CLPB: variants seen among roughly 807,000 people sequenced by gnomAD.
CLPB encodes the protein ClpB family mitochondrial disaggregase.
A neutral mutation model predicts 78.4 loss-of-function variants in CLPB; 40 were observed. That is an observed-to-expected ratio of 0.51 (90% CI 0.40 to 0.66). The LOEUF (loss-of-function observed/expected upper bound fraction) is 0.66. CLPB is among the 30% of genes least tolerant of loss of function. The pLI, the probability that CLPB is intolerant of heterozygous loss-of-function variation, is 0.00. For synonymous variants in CLPB, 333 were observed against 348.0 expected (o/e 0.96, Z 0.48); for missense variants, 780 against 886.9 (o/e 0.88, Z 1.53).
chr11:72,321,160 T>C (rs1159113334), intron 6 of CLPB, among the ~76,000 whole-genome samples: 1 of 152,064 alleles, frequency 6.6e-6, no homozygotes, highest in Non-Finnish European at 1.5e-5. Flanking sequence ...ATAAATACTA[T>C]TGTTCCTGTC....
In CLPB at chr11:72,407,961, T is replaced by A. The variant is rs550850579; in HGVS notation, c.456-4909A>T. On this transcript the variant is annotated intron_variant, in intron 2 of 15. Coordinates refer to ENST00000538039, the MANE Select transcript of CLPB (RefSeq NM_001258392.3). ...CGCGCCCAGCCTCTGCCACCTACTA[T>A]TCTAACATCCTAAAGGAAGGCACAT... 2.8e-5 allele frequency: 18 copies of A among 648,066 alleles called. No homozygotes were observed. The Admixed American group carries it at 4.7e-4, about 17-fold the overall frequency. The allele number at this position is 648,066 out of a possible 1,614,324, so 40.1% of individuals were successfully genotyped here. A position where few individuals can be genotyped will look rare whatever the true frequency, so the allele number is the denominator to read the frequency against.
rs556216099 is a variant in CLPB, at chr11:72,321,681, G to T, written c.874-4461C>A. On this transcript the variant is annotated intron_variant, in intron 6 of 15. Coordinates refer to ENST00000538039, the MANE Select transcript of CLPB (RefSeq NM_001258392.3). ...ATCTGCCAGTGTGTTCACTGAGGGG[G>T]CAGCTGGAGTAGGCAGAACAAGACC... Among the ~76,000 whole-genome samples, 3 of 152,200 alleles carry T rather than the reference G, an allele frequency of 2.0e-5. No homozygotes were observed. The South Asian group carries it at 6.2e-4, about 31-fold the overall frequency.
intron 11 of CLPB, 83 bp from the exon 12 acceptor site, chr11:72,295,731 A>C (rs1949540508): frequency 7.2e-7 from 1 of 1,397,564 alleles, no homozygotes; most frequent in Non-Finnish European, 9.9e-7. Context: ...CACCTCCTTC[A>C]GGAGGCCTCC....
At chr11:72,378,494 C>T (rs1181773300) in intron 4 of CLPB, among the ~76,000 whole-genome samples, 2 of 152,198 alleles carry the variant, frequency 1.3e-5, no homozygotes, top group Non-Finnish European at 2.9e-5. Flanking sequence ...TATTCACTAT[C>T]ACAAGAATAG....
chr11:72,315,693 T>G (rs1949928841), intron 7 of CLPB, among the ~76,000 whole-genome samples: 2 of 152,200 alleles, frequency 1.3e-5, no homozygotes, highest in African/African-American at 4.8e-5. Flanking sequence ...TGGCCATTTA[T>G]CAAATCAATT....
chr11:72,292,142 G>A lies in CLPB; in HGVS notation c.*1225C>T, dbSNP rs185465762. ...AAGCATCTGCTGGAGCTCACACCCT[G>A]GATTCTGACTGCCTCATACCCACCA... On this transcript the variant is annotated 3_prime_UTR_variant, in exon 16 of 16. Transcript: ENST00000538039. 1.2e-3 allele frequency: 184 copies of A among 151,920 alleles called. No individual in the cohort carries two copies. Among genetic ancestry groups the A allele is most frequent in the African/African-American group, 4.3e-3 (177 of 41,380 alleles). The allele number at this position is 151,920 out of a possible 1,614,324, so 9.4% of individuals were successfully genotyped here. A position where few individuals can be genotyped will look rare whatever the true frequency, so the allele number is the denominator to read the frequency against.
At chr11:72,317,818 C>T (rs1282380613) in intron 6 of CLPB, among the ~76,000 whole-genome samples, 2 of 152,196 alleles carry the variant, frequency 1.3e-5, no homozygotes, top group Non-Finnish European at 2.9e-5. Context: ...GAGGACTGTG[C>T]CCCGTTGCCT....
At chr11:72,294,288 G>A (rs1420274645) in intron 14 of CLPB, 37 bp downstream of exon 14, 2 of 1,613,940 alleles carry the variant, frequency 1.2e-6, no homozygotes, top group Non-Finnish European at 1.7e-6. Context: ...CCAGTGGCTG[G>A]CTATCCCGCC....
intron 5 of CLPB, among the ~76,000 whole-genome samples, chr11:72,338,311 A>G (rs574490488): frequency 6.6e-6 from 1 of 152,318 alleles, no homozygotes; most frequent in Admixed American, 6.5e-5. Flanking sequence ...AGAGCAGAAG[A>G]TACTACACTG....
intron 4 of CLPB, among the ~76,000 whole-genome samples, chr11:72,371,181 A>C (rs906054460): frequency 7.9e-5 from 12 of 151,986 alleles, no homozygotes; most frequent in Non-Finnish European, 1.2e-4. Flanking sequence ...CTCCTGTCTC[A>C]GCCTCCTGAG....
At chr11:72,413,269 A>T (rs1430989598) in intron 2 of CLPB, among the ~76,000 whole-genome samples, 1 of 152,068 alleles carries the variant, frequency 6.6e-6, no homozygotes, top group African/African-American at 2.4e-5. Context: ...AGCCTGGGCA[A>T]CCAAAGCGAA....
intron 2 of CLPB, among the ~76,000 whole-genome samples, chr11:72,422,136 G>A (rs757847510): frequency 7.2e-5 from 11 of 151,844 alleles, no homozygotes; most frequent in South Asian, 2.1e-4. Context: ...GCGTGGTGGC[G>A]GGCGCCTGTA....
chr11:72,290,940 G>T lies in CLPB; in HGVS notation c.*2427C>A, dbSNP rs1242852962. Reference sequence around the variant, plus strand: ...ATCCTGGGTGACAGAGCGGGACTCCGTCTCAAAAAAAAAAAAAAAACCAAA... The same window carrying T: ...ATCCTGGGTGACAGAGCGGGACTCCTTCTCAAAAAAAAAAAAAAAACCAAA... On this transcript the variant is annotated 3_prime_UTR_variant, in exon 16 of 16. Transcript: ENST00000538039. 1 of 139,184 alleles carries T rather than the reference G, an allele frequency of 7.2e-6. No homozygotes were observed. Among genetic ancestry groups the T allele is most frequent in the African/African-American group, 2.8e-5 (1 of 36,178 alleles). The allele number at this position is 139,184 out of a possible 1,614,324, so 8.6% of individuals were successfully genotyped here. A position where few individuals can be genotyped will look rare whatever the true frequency, so the allele number is the denominator to read the frequency against.
chr11:72,369,271 CGGTT>C (rs1277507775), intron 4 of CLPB, among the ~76,000 whole-genome samples: 2 of 152,172 alleles, frequency 1.3e-5, no homozygotes, highest in African/African-American at 2.4e-5. Flanking sequence ...ATCTGTTAGT[CGGTT>C]ATCTACAGAC....
intron 3 of CLPB, among the ~76,000 whole-genome samples, chr11:72,399,477 A>G (rs972714455): frequency 2.6e-5 from 4 of 152,218 alleles, no homozygotes; most frequent in African/African-American, 9.6e-5. Flanking sequence ...TAAATTATAA[A>G]TTAAATTATT....
At chr11:72,295,330 C>T (rs545721531) in intron 12 of CLPB, among the ~76,000 whole-genome samples, 162 bp downstream of exon 12, 1 of 152,164 alleles carries the variant, frequency 6.6e-6, no homozygotes, top group Non-Finnish European at 1.5e-5. Context: ...TGTCTCAACC[C>T]CCACTACTTG....
At chr11:72,422,940 G>C (rs748372398) in intron 2 of CLPB, among the ~76,000 whole-genome samples, 2 of 152,172 alleles carry the variant, frequency 1.3e-5, no homozygotes. Context: ...ATCCAGGGAC[G>C]AGAACCAAAC....
At chr11:72,297,165 G>A (rs534822848) in intron 11 of CLPB, among the ~76,000 whole-genome samples, 218 of 152,330 alleles carry the variant, frequency 1.4e-3, no homozygotes, top group Non-Finnish European at 7.9e-4. Context: ...CACAGCTCCC[G>A]CCAAGCCAGA....
intron 12 of CLPB, 79 bp downstream of exon 12, chr11:72,295,413 G>A: frequency 6.6e-7 from 1 of 1,519,710 alleles, no homozygotes; most frequent in Admixed American, 1.8e-5. Flanking sequence ...CTGGGCCCAG[G>A]GCCCCAATCC....
Sources: gnomAD v4.1 joint callset for allele counts (sites outside exome capture counted in the v4.1 genomes callset) on GRCh38, gnomAD v4.1.1 for gene constraint, MANE v1.5 for transcripts, NCBI Gene and HGNC (gene_info 2026-07-23, HGNC 2026-07-21) for gene names.